Variants in PEPD observed in about 807,000 individuals in gnomAD.
The protein encoded by PEPD is peptidase D, also known as xaa-Pro dipeptidase.
A neutral mutation model predicts 60.7 loss-of-function variants in PEPD; 53 were observed. That is an observed-to-expected ratio of 0.87 (90% CI 0.70 to 1.10). PEPD has a LOEUF of 1.10. Among genes scored for constraint, PEPD ranks in the 50% least tolerant of loss-of-function variants. PEPD has a pLI of 0.00. For synonymous variants in PEPD, 267 were observed against 284.1 expected (o/e 0.94, Z 0.60); for missense variants, 711 against 711.9 (o/e 1.00, Z 0.01).
intron 4 of PEPD, among the ~76,000 whole-genome samples, chr19:33,498,339 G>A (rs33825): frequency 0.12 from 17,666 of 152,160 alleles, 1,388 homozygotes; most frequent in East Asian, 0.27. Flanking sequence ...AGAATGAGCC[G>A]GTCTCTGTGC....
intron 9 of PEPD, among the ~76,000 whole-genome samples, chr19:33,442,069 G>C (rs145159024): frequency 0.011 from 1,693 of 152,322 alleles, 25 homozygotes; most frequent in South Asian, 0.071. Flanking sequence ...ACAGGTTACT[G>C]AGCCTCTTTG....
chr19:33,508,732 C>T (rs1032111145), intron 3 of PEPD, among the ~76,000 whole-genome samples: 2 of 152,234 alleles, frequency 1.3e-5, no homozygotes, highest in Admixed American at 6.5e-5. Context: ...TAGCCTCAGA[C>T]GTCACACAGC....
chr19:33,415,994 A>T (rs568462885), intron 9 of PEPD, among the ~76,000 whole-genome samples: 4 of 152,362 alleles, frequency 2.6e-5, no homozygotes, highest in African/African-American at 9.6e-5. Context: ...TGCAGACTTT[A>T]GGCTTGGGGT....
intron 10 of PEPD, among the ~76,000 whole-genome samples, chr19:33,412,853 G>C (rs1265058404): frequency 1.4e-4 from 21 of 152,214 alleles, no homozygotes; most frequent in Admixed American, 6.5e-4. Context: ...GAGCGCAGGA[G>C]ACGAGGGGGC....
chr19:33,462,066 G>A lies in PEPD; in HGVS notation c.671+929C>T, dbSNP rs536295103. Among the ~76,000 whole-genome samples, 46 of 152,340 alleles carry A rather than the reference G, an allele frequency of 3.0e-4. 1 individual carries two copies. In the South Asian group the frequency reaches 7.2e-3, roughly 24 times the overall value. On this transcript the variant is annotated intron_variant, in intron 9 of 14. Transcript: ENST00000244137. Reference sequence around the variant, plus strand: ...AAGCAGCCCACTACGGGCCCCATCCGACCTCGGCCCTGCACCCCACTGATG... The same window carrying A: ...AAGCAGCCCACTACGGGCCCCATCCAACCTCGGCCCTGCACCCCACTGATG...
intron 11 of PEPD, among the ~76,000 whole-genome samples, chr19:33,402,397 G>C (rs1446332382): frequency 6.6e-6 from 1 of 152,154 alleles, no homozygotes; most frequent in Admixed American, 6.5e-5. Flanking sequence ...GCACGGCCTA[G>C]AACTCCGGGC....
chr19:33,507,625 G>A, intron 3 of PEPD, among the ~76,000 whole-genome samples: 1 of 152,180 alleles, frequency 6.6e-6, no homozygotes, highest in Non-Finnish European at 1.5e-5. Flanking sequence ...AGGAAGCTGA[G>A]GAGCTGAAGG....
intron 6 of PEPD, among the ~76,000 whole-genome samples, chr19:33,482,072 C>T (rs1311399338): frequency 6.6e-6 from 1 of 152,110 alleles, no homozygotes. Flanking sequence ...GGAGGCAATA[C>T]TTTTCAACCA....
intron 12 of PEPD, among the ~76,000 whole-genome samples, chr19:33,397,252 C>A (rs1236387627): frequency 2.0e-5 from 3 of 152,206 alleles, no homozygotes; most frequent in South Asian, 2.1e-4. Flanking sequence ...CATTCCTCAA[C>A]CCCCCAGGGT....
chr19:33,476,359 C>T (rs1326121902), intron 7 of PEPD, among the ~76,000 whole-genome samples: 1 of 152,200 alleles, frequency 6.6e-6, no homozygotes, highest in African/African-American at 2.4e-5. Flanking sequence ...TCAGACTCAA[C>T]ACACCCCAAG....
At chr19:33,410,639 C>T (rs1393435114) in intron 11 of PEPD, among the ~76,000 whole-genome samples, 9 of 151,980 alleles carry the variant, frequency 5.9e-5, no homozygotes, top group Admixed American at 3.3e-4. Flanking sequence ...CCCAGCTGGG[C>T]GCCACGCAGG....
intron 9 of PEPD, among the ~76,000 whole-genome samples, chr19:33,414,691 C>T (rs927073465): frequency 2.0e-5 from 3 of 151,228 alleles, no homozygotes; most frequent in Non-Finnish European, 4.4e-5. Context: ...AACGTCCATA[C>T]GAGGGAGTTT....
At chr19:33,393,228 TC>T (rs1968270414) in intron 12 of PEPD, among the ~76,000 whole-genome samples, 1 of 83,936 alleles carries the variant, frequency 1.2e-5, no homozygotes, top group African/African-American at 5.9e-5. Context: ...GGGGAGGCCG[TC>T]CCGGGGTCTG....
chr19:33,480,842 A>G (rs113053892), intron 6 of PEPD, among the ~76,000 whole-genome samples: 4,634 of 125,660 alleles, frequency 0.037, 150 homozygotes, highest in African/African-American at 0.084. Context: ...GTGTGTGTGT[A>G]TATCAAAAAC....
intron 4 of PEPD, among the ~76,000 whole-genome samples, chr19:33,497,779 A>T (rs952628567): frequency 1.3e-4 from 20 of 152,112 alleles, no homozygotes; most frequent in Non-Finnish European, 2.9e-5. Context: ...CTCCCAGCTC[A>T]GGGGGTTCAG....
intron 4 of PEPD, among the ~76,000 whole-genome samples, chr19:33,497,641 A>G (rs1970632888): frequency 6.6e-6 from 1 of 152,202 alleles, no homozygotes; most frequent in African/African-American, 2.4e-5. Flanking sequence ...CTGACAGCTA[A>G]GGCCACCCCA....
chr19:33,466,633 C>T (rs1970022170), intron 7 of PEPD, among the ~76,000 whole-genome samples: 1 of 151,938 alleles, frequency 6.6e-6, no homozygotes, highest in Non-Finnish European at 1.5e-5. Flanking sequence ...TCACAATACC[C>T]AGGTAAGAGA....
intron 7 of PEPD, among the ~76,000 whole-genome samples, chr19:33,472,282 T>C (rs527731002): frequency 6.6e-6 from 1 of 152,026 alleles, no homozygotes; most frequent in Non-Finnish European, 1.5e-5. Context: ...GAGCCATGAT[T>C]ACAACACTGC....
At chr19:33,459,967 T>C (rs777868222) in intron 9 of PEPD, among the ~76,000 whole-genome samples, 4 of 152,102 alleles carry the variant, frequency 2.6e-5, no homozygotes, top group Non-Finnish European at 5.9e-5. Context: ...TCAACACATA[T>C]AGAAGAGCGG....
Sources: gnomAD v4.1 joint callset for allele counts (sites outside exome capture counted in the v4.1 genomes callset) on GRCh38, gnomAD v4.1.1 for gene constraint, MANE v1.5 for transcripts, NCBI Gene and HGNC (gene_info 2026-07-23, HGNC 2026-07-21) for gene names.